Variants in NCALD observed in about 807,000 individuals in gnomAD.
NCALD encodes the protein neurocalcin-delta.
NCALD carries 10 observed loss-of-function variants against 18.6 expected under a neutral mutation model. That is an observed-to-expected ratio of 0.54 (90% CI 0.33 to 0.91). NCALD has a LOEUF of 0.91. NCALD is among the 40% of genes least tolerant of loss of function. The pLI is 0.03. For synonymous variants in NCALD, 88 were observed against 87.4 expected (o/e 1.01, Z -0.04); for missense variants, 184 against 247.6 (o/e 0.74, Z 1.72).
chr8:101,798,144 A>G (rs1812710039), intron 4 of NCALD, among the ~76,000 whole-genome samples: 3 of 152,210 alleles, frequency 2.0e-5, no homozygotes, highest in Admixed American at 2.0e-4. Context: ...CAGCATGCCA[A>G]AAGTTCTAGC....
upstream of NCALD, among the ~76,000 whole-genome samples, chr8:101,794,919 A>G (rs2131041375): frequency 6.6e-6 from 1 of 152,320 alleles, no homozygotes; most frequent in African/African-American, 2.4e-5. Context: ...TTTTTGTGAA[A>G]GGGAGAAGGC....
chr8:101,938,171 C>G (rs1377635875), intron 2 of NCALD, among the ~76,000 whole-genome samples: 1 of 152,156 alleles, frequency 6.6e-6, no homozygotes. Flanking sequence ...GCAATTGTTT[C>G]AAGAATCCAT....
intron 1 of NCALD, among the ~76,000 whole-genome samples, chr8:102,031,498 C>T (rs1328742445): frequency 2.6e-5 from 4 of 152,076 alleles, no homozygotes; most frequent in East Asian, 1.9e-4. Flanking sequence ...CTGGCCTGAA[C>T]GGTAGTTACA....
rs148917829 is a variant in NCALD, at chr8:101,844,721, A to G, written c.-20+42420T>C. Among the ~76,000 whole-genome samples the G allele has an allele frequency of 6.2e-4, 95 of 152,266 alleles. No homozygotes were observed. The East Asian group carries it at 0.016, about 26-fold the overall frequency. ...ATGTTCTTTCAGATGAGACCCCTATAGAGAGAGGAAAAAGTGAAGCAAATT... is the reference window on the plus strand; with the variant it reads ...ATGTTCTTTCAGATGAGACCCCTATGGAGAGAGGAAAAAGTGAAGCAAATT... On this transcript the variant is annotated intron_variant, in intron 4 of 6. Transcript: ENST00000311028.
At chr8:102,068,123 A>C (rs1376507916) in intron 1 of NCALD, among the ~76,000 whole-genome samples, 2 of 152,188 alleles carry the variant, frequency 1.3e-5, no homozygotes, top group African/African-American at 4.8e-5. Context: ...GAGAGAGAGA[A>C]TACTTCGTGT....
upstream of NCALD, among the ~76,000 whole-genome samples, chr8:101,792,013 C>CA (rs1586517092): frequency 1.3e-5 from 2 of 152,206 alleles, no homozygotes; most frequent in East Asian, 3.9e-4. Context: ...GCCGATTAAA[C>CA]AAAATCAATG....
chr8:101,902,548 G>T (rs187105246), intron 3 of NCALD, among the ~76,000 whole-genome samples: 15 of 152,274 alleles, frequency 9.9e-5, no homozygotes, highest in African/African-American at 3.4e-4. Flanking sequence ...GCTGCTCTGG[G>T]CAAGGCTGCC....
At chr8:101,774,243 T>C (rs1811701088) in intron 1 of NCALD, among the ~76,000 whole-genome samples, 1 of 152,236 alleles carries the variant, frequency 6.6e-6, no homozygotes, top group Non-Finnish European at 1.5e-5. Context: ...TGAAATTTCT[T>C]TGGCACATTC....
chr8:101,843,560 G>T (rs1007492696), intron 4 of NCALD, among the ~76,000 whole-genome samples: 2 of 142,380 alleles, frequency 1.4e-5, no homozygotes, highest in African/African-American at 2.8e-5. Context: ...CATCTGATCT[G>T]TTCTATGAAT....
chr8:102,049,606 GA>G (rs1823360316), intron 1 of NCALD, among the ~76,000 whole-genome samples: 1 of 152,220 alleles, frequency 6.6e-6, no homozygotes, highest in South Asian at 2.1e-4. Flanking sequence ...AGTTTTGTAA[GA>G]AACAAGCATC....
intron 2 of NCALD, among the ~76,000 whole-genome samples, chr8:101,997,861 A>G (rs1821296126): frequency 6.6e-6 from 1 of 152,232 alleles, no homozygotes; most frequent in Non-Finnish European, 1.5e-5. Flanking sequence ...TTTCCCAGAA[A>G]CATGCCTTTC....
At chr8:102,029,791 T>C (rs553668652) in intron 1 of NCALD, among the ~76,000 whole-genome samples, 1 of 152,270 alleles carries the variant, frequency 6.6e-6, no homozygotes, top group South Asian at 2.1e-4. Flanking sequence ...GAAATTACAT[T>C]TTGAAGGCAC....
At chr8:102,082,436 A>G (rs958054832) in intron 1 of NCALD, among the ~76,000 whole-genome samples, 1 of 151,912 alleles carries the variant, frequency 6.6e-6, no homozygotes, top group East Asian at 1.9e-4. Context: ...TGTCCCTGCC[A>G]GAAATTGATA....
chr8:101,839,926 A>G (rs1814572251), intron 4 of NCALD, among the ~76,000 whole-genome samples: 1 of 152,094 alleles, frequency 6.6e-6, no homozygotes, highest in African/African-American at 2.4e-5. Context: ...AGCTGTACAT[A>G]TTGGCAGTAA....
intron 1 of NCALD, among the ~76,000 whole-genome samples, chr8:102,085,600 A>T (rs1319312925): frequency 2.2e-4 from 1 of 4,500 alleles, no homozygotes; most frequent in Non-Finnish European, 5.8e-4. Flanking sequence ...ACTAAAAATA[A>T]AAAAAAATTA....
chr8:101,812,241 T>C lies in NCALD; in HGVS notation c.-20+74900A>G, dbSNP rs141790782. ...CTCAGGGATAAAATCCAGCCCCTTA[T>C]TACTATCACCAAAGCAGTCTATGAA... On this transcript the variant is annotated intron_variant, in intron 4 of 6. Transcript: ENST00000311028. 5.7e-3 allele frequency among the ~76,000 whole-genome samples: 870 copies of C among 152,284 alleles called. 11 individuals carry two copies. The highest frequency in any genetic ancestry group is 0.018 in the African/African-American group (763 of 41,550).
intron 1 of NCALD, among the ~76,000 whole-genome samples, chr8:102,076,058 A>G: frequency 6.6e-6 from 1 of 152,122 alleles, no homozygotes; most frequent in Middle Eastern, 3.4e-3. Flanking sequence ...AAAAAATAAA[A>G]CTATTATGAA....
intron 1 of NCALD, among the ~76,000 whole-genome samples, chr8:102,067,993 G>C (rs775784644): frequency 3.9e-5 from 6 of 152,016 alleles, no homozygotes; most frequent in Non-Finnish European, 8.8e-5. Flanking sequence ...CAGTCCTCCA[G>C]TTCTAACAGT....
At chr8:102,103,097 G>A (rs1017981494) in intron 1 of NCALD, among the ~76,000 whole-genome samples, 3 of 152,092 alleles carry the variant, frequency 2.0e-5, no homozygotes, top group Non-Finnish European at 4.4e-5. Flanking sequence ...AGATGAGTAA[G>A]GGGAGACTCT....
Sources: gnomAD v4.1 joint callset for allele counts (sites outside exome capture counted in the v4.1 genomes callset) on GRCh38, gnomAD v4.1.1 for gene constraint, MANE v1.5 for transcripts, NCBI Gene and HGNC (gene_info 2026-07-23, HGNC 2026-07-21) for gene names.